The following SLC8A3 variants were observed in gnomAD, a reference collection of about 807,000 sequenced individuals.
SLC8A3 encodes the protein sodium/calcium exchanger 3.
Under a neutral mutation model 65.4 loss-of-function variants are expected in SLC8A3, and 37 were observed. That is an observed-to-expected ratio of 0.57 (90% confidence interval 0.44 to 0.74). SLC8A3 has a LOEUF of 0.74. SLC8A3 is among the 30% of genes least tolerant of loss of function. The pLI, the probability that SLC8A3 is intolerant of heterozygous loss-of-function variation, is 0.00. For missense variants in SLC8A3, 1,112 were observed against 1,172.1 expected (o/e 0.95, Z 0.75); for synonymous variants, 461 against 444.5 (o/e 1.04, Z -0.47).
intron 2 of SLC8A3, among the ~76,000 whole-genome samples, chr14:70,117,233 A>G (rs749541663): frequency 2.0e-5 from 3 of 152,196 alleles, no homozygotes; most frequent in Non-Finnish European, 2.9e-5. Context: ...CTCTCACTTA[A>G]GGTCATGCCC....
intron 2 of SLC8A3, among the ~76,000 whole-genome samples, chr14:70,130,118 C>T (rs1289091889): frequency 6.6e-6 from 1 of 152,222 alleles, no homozygotes; most frequent in Non-Finnish European, 1.5e-5. Context: ...CTGTGTCAGA[C>T]AACCCAGAAC....
chr14:70,183,068 G>A (rs1375374885), intron 1 of SLC8A3, among the ~76,000 whole-genome samples: 2 of 152,200 alleles, frequency 1.3e-5, no homozygotes, highest in Non-Finnish European at 2.9e-5. Context: ...GTCCTCTCCT[G>A]TCTAGTTATT....
chr14:70,096,779 G>A (rs551033161), intron 2 of SLC8A3, among the ~76,000 whole-genome samples: 12 of 152,344 alleles, frequency 7.9e-5, no homozygotes, highest in African/African-American at 2.6e-4. Flanking sequence ...GCTGTGGCAG[G>A]TGGGGCTTGC....
At chr14:70,164,687 C>T (rs145942439) in intron 2 of SLC8A3, among the ~76,000 whole-genome samples, 16 of 152,204 alleles carry the variant, frequency 1.1e-4, no homozygotes, top group African/African-American at 2.4e-4. Flanking sequence ...ACTACCTATC[C>T]GTGACATGGG....
rs537615522 is a variant in SLC8A3 at position 70,048,421 on chromosome 14, T to C, written c.2389+346A>G. On this transcript the variant is annotated intron_variant, in intron 6 of 6. Transcript: ENST00000356921. ...GAGGTTAAGAAATTGGACCACTTAC[T>C]TGGGCATGTAGCTTAACCTCTGTGG... 1.2e-5 allele frequency: 7 copies of C among 576,700 alleles called. No homozygotes were observed. The African/African-American group carries it at 1.3e-4, about 11-fold the overall frequency. The allele number at this position is 576,700 out of a possible 1,614,324, so 35.7% of individuals were successfully genotyped here.
At chr14:70,151,415 TG>T (rs1896270530) in intron 2 of SLC8A3, among the ~76,000 whole-genome samples, 1 of 152,204 alleles carries the variant, frequency 6.6e-6, no homozygotes, top group South Asian at 2.1e-4. Flanking sequence ...CTCATCTACT[TG>T]CAAACAGGAA....
chr14:70,174,184 A>G (rs1897722157), intron 1 of SLC8A3, among the ~76,000 whole-genome samples: 1 of 152,222 alleles, frequency 6.6e-6, no homozygotes, highest in African/African-American at 2.4e-5. Context: ...CCCTTCGAGC[A>G]AAGGCTCAAG....
At chr14:70,177,524 T>C (rs530408403) in intron 1 of SLC8A3, among the ~76,000 whole-genome samples, 2 of 152,294 alleles carry the variant, frequency 1.3e-5, no homozygotes, top group South Asian at 4.1e-4. Flanking sequence ...ATGAACCAGC[T>C]AACATTAGAT....
At position 70,052,093 on chromosome 14, in the gene SLC8A3, G is replaced by T. The variant is rs142860428; in HGVS notation, c.1910C>A (p.Thr637Asn). Reference sequence around the variant, plus strand: ...CCTCTTGGCCTCCTCTTCTTCCATAGTCAGCTTCCTGTCTGTCACATCTGC... The same window carrying T: ...CCTCTTGGCCTCCTCTTCTTCCATATTCAGCTTCCTGTCTGTCACATCTGC... The part of the protein sequence containing the change: ...GISDVTDRKL[T>N]MEEEEAKRIA... Residue 637 changes from threonine to asparagine, a missense_variant, in exon 4 of 7, where the codon ACT becomes AAT. Transcript: ENST00000356921. 1.9e-5 allele frequency: 30 copies of T among 1,602,000 alleles called. No individual in the cohort carries two copies. The African/African-American group carries it at 3.0e-4, about 16-fold the overall frequency.
At chr14:70,162,784 A>T (rs1050361229) in intron 2 of SLC8A3, among the ~76,000 whole-genome samples, 15 of 152,250 alleles carry the variant, frequency 9.9e-5, no homozygotes, top group Non-Finnish European at 1.8e-4. Context: ...CTTCTGGATC[A>T]TGAAGACATC....
intron 2 of SLC8A3, among the ~76,000 whole-genome samples, chr14:70,090,408 G>A (rs17175451): frequency 0.17 from 25,302 of 152,098 alleles, 2,213 homozygotes; most frequent in South Asian, 0.24. Flanking sequence ...CTCAGTGCCC[G>A]TTCACAGATA....
intron 2 of SLC8A3, among the ~76,000 whole-genome samples, chr14:70,070,864 G>T (rs1371080565): frequency 2.0e-5 from 3 of 152,178 alleles, no homozygotes; most frequent in Admixed American, 1.3e-4. Flanking sequence ...ATTTGGAACG[G>T]TTGCTTTCCA....
At chr14:70,124,323 C>T (rs1894290596) in intron 2 of SLC8A3, among the ~76,000 whole-genome samples, 1 of 152,234 alleles carries the variant, frequency 6.6e-6, no homozygotes. Context: ...GTAATATCAT[C>T]ACCACCTCTT....
chr14:70,087,794 G>T (rs77682520), intron 2 of SLC8A3, among the ~76,000 whole-genome samples: 3,335 of 152,252 alleles, frequency 0.022, 52 homozygotes, highest in South Asian at 0.073. Flanking sequence ...TATAAAAGAC[G>T]TGCATGGACC....
intron 2 of SLC8A3, among the ~76,000 whole-genome samples, chr14:70,118,372 C>T (rs557589845): frequency 4.6e-5 from 7 of 152,290 alleles, no homozygotes; most frequent in South Asian, 2.1e-4. Context: ...TGGAAGAAAA[C>T]GTGAACAAGA....
At position 70,060,908 on chromosome 14, in the gene SLC8A3, C is replaced by T. The variant is rs566282690; in HGVS notation, c.1816G>A (p.Glu606Lys). 2.9e-5 allele frequency: 44 copies of T among 1,519,128 alleles called. 1 individual carries two copies. In the South Asian group the frequency reaches 5.7e-4, roughly 20 times the overall value. The allele number at this position is 1,519,128 out of a possible 1,614,324, so 94.1% of individuals were successfully genotyped here. Residue 606 changes from glutamate (E) to lysine (K), a missense_variant, in exon 3 of 7, where the codon GAG (glutamate) becomes AAG (lysine). By Grantham distance (56) the Glu-to-Lys change is moderately conservative. Coordinates refer to ENST00000356921, the MANE Select transcript of SLC8A3 (RefSeq NM_182932.3). ...AAATTCTCTTGCCTTTCGTATTCCTCCTCATCTACTATTTTAACCCTTATG... is the reference window on the plus strand; with the variant it reads ...AAATTCTCTTGCCTTTCGTATTCCTTCTCATCTACTATTTTAACCCTTATG... Reference protein sequence around the residue: ...KTIRVKIVDEEEYERQENFFI... With the variant: ...KTIRVKIVDEKEYERQENFFI...
chr14:70,059,536 G>A (rs1888534724), intron 3 of SLC8A3: 1 of 152,090 alleles, frequency 6.6e-6, no homozygotes, highest in Admixed American at 6.5e-5. Flanking sequence ...GCCATTCAAA[G>A]TAGTGGCTTC....
intron 1 of SLC8A3, among the ~76,000 whole-genome samples, chr14:70,181,761 C>T (rs910414727): frequency 2.0e-5 from 3 of 152,160 alleles, no homozygotes; most frequent in African/African-American, 7.2e-5. Context: ...ATGGAATGCC[C>T]TTCAAAGTTT....
chr14:70,114,117 T>C (rs1368477961), intron 2 of SLC8A3, among the ~76,000 whole-genome samples: 1 of 152,178 alleles, frequency 6.6e-6, no homozygotes, highest in East Asian at 1.9e-4. Flanking sequence ...TAGATGGGCC[T>C]GCAAGGTTGT....
Sources: allele counts gnomAD v4.1 joint callset (sites outside exome capture counted in the v4.1 genomes callset), GRCh38; gene constraint gnomAD v4.1.1; transcripts MANE v1.5; gene names NCBI Gene and HGNC (gene_info 2026-07-23, HGNC 2026-07-21).